ANO3: variants seen among roughly 807,000 people sequenced by gnomAD.
ANO3 encodes anoctamin 3.
In ANO3, 99 loss-of-function variants were observed where a neutral mutation model predicts 144.8. That is an observed-to-expected ratio of 0.68 (90% CI 0.58 to 0.81). The LOEUF is 0.81. ANO3 is among the 30% of genes least tolerant of loss of function. The probability of loss-of-function intolerance (pLI) is 0.00; values close to 1 mark genes in which losing one functional copy is unlikely to be tolerated. For synonymous variants in ANO3, 414 were observed against 392.6 expected (o/e 1.05, Z -0.64); for missense variants, 905 against 1,202.2 (o/e 0.75, Z 3.66).
chr11:26,629,982 T>C (rs895432980), intron 18 of ANO3, among the ~76,000 whole-genome samples: 1 of 152,174 alleles, frequency 6.6e-6, no homozygotes, highest in Non-Finnish European at 1.5e-5. Context: ...TAAGTAAAAA[T>C]AGTTTGTAGA....
At chr11:26,241,883 T>C (rs754928820) in intron 1 of ANO3, among the ~76,000 whole-genome samples, 3 of 152,170 alleles carry the variant, frequency 2.0e-5, no homozygotes, top group Non-Finnish European at 4.4e-5. Flanking sequence ...AACTTTTAAT[T>C]ACTCTGCTAA....
chr11:26,257,598 T>C (rs11029441), intron 1 of ANO3, among the ~76,000 whole-genome samples: 21,654 of 152,084 alleles, frequency 0.14, 2,203 homozygotes, highest in African/African-American at 0.3. Context: ...TCAATAAAAG[T>C]ACTTTAAAAT....
intron 1 of ANO3, among the ~76,000 whole-genome samples, chr11:26,363,116 T>A (rs919800914): frequency 3.3e-5 from 5 of 152,176 alleles, no homozygotes; most frequent in Non-Finnish European, 7.3e-5. Context: ...TTGTGTCTAT[T>A]TTACAGATTT....
At chr11:26,195,183 C>T (rs1208592004) in intron 1 of ANO3, among the ~76,000 whole-genome samples, 1 of 152,094 alleles carries the variant, frequency 6.6e-6, no homozygotes, top group East Asian at 1.9e-4. Context: ...GGTGTTGATG[C>T]CTGATGATGA....
chr11:26,225,858 T>C (rs887447901), intron 1 of ANO3, among the ~76,000 whole-genome samples: 1 of 152,186 alleles, frequency 6.6e-6, no homozygotes, highest in Non-Finnish European at 1.5e-5. Flanking sequence ...ACTTTCGTGT[T>C]ATGGTTCTGA....
chr11:26,292,111 T>C (rs146499521), intron 1 of ANO3, among the ~76,000 whole-genome samples: 3,039 of 152,238 alleles, frequency 0.02, 88 homozygotes, highest in African/African-American at 0.066. Flanking sequence ...TTCATTTCTT[T>C]TTATTCTTTT....
intron 1 of ANO3, among the ~76,000 whole-genome samples, chr11:26,319,014 T>C (rs950920743): frequency 6.6e-6 from 1 of 152,054 alleles, no homozygotes; most frequent in Non-Finnish European, 1.5e-5. Context: ...TCTTACTCTG[T>C]TGCCCAGGCT....
intron 1 of ANO3, among the ~76,000 whole-genome samples, chr11:26,404,901 C>A (rs1180652597): frequency 6.7e-6 from 1 of 149,998 alleles, no homozygotes; most frequent in African/African-American, 2.5e-5. Flanking sequence ...TGCTAATAAC[C>A]AGTGGCTAAT....
intron 1 of ANO3, among the ~76,000 whole-genome samples, chr11:26,203,232 G>A (rs1851731894): frequency 6.6e-6 from 1 of 152,068 alleles, no homozygotes; most frequent in African/African-American, 2.4e-5. Context: ...GTTTATAAAA[G>A]TCACTTTGAA....
intron 5 of ANO3, among the ~76,000 whole-genome samples, chr11:26,511,800 C>A (rs957634226): frequency 1.4e-4 from 22 of 152,000 alleles, no homozygotes; most frequent in African/African-American, 5.3e-4. Context: ...ATATTAGAGT[C>A]ATGTGGTGAT....
At position 26,544,273 on chromosome 11, in the gene ANO3, T is replaced by TATATATATATATATAC; in HGVS notation, c.1154+2206_1154+2207insTATATATATATATACA. On this transcript the variant is annotated intron_variant, in intron 11 of 26. Coordinates refer to ENST00000256737, the MANE Select transcript of ANO3 (RefSeq NM_031418.4). Reference sequence around the variant, plus strand: ...ATACATATATATATATATATATATATACACACATACACACACACACACACA... The same window carrying TATATATATATATATAC: ...ATACATATATATATATATATATATATATATATATATATATACACACACATACACACACACACACACA... Among the ~76,000 whole-genome samples, 143 of 58,354 alleles carry TATATATATATATATAC rather than the reference T, an allele frequency of 2.5e-3. 5 individuals carry two copies. Among genetic ancestry groups the TATATATATATATATAC allele is most frequent in the Non-Finnish European group, 3.0e-3 (83 of 27,850 alleles). 38.3% of individuals were successfully genotyped at this position (58,354 alleles called of 152,430 possible).
chr11:26,414,970 T>A (rs1043277432), intron 1 of ANO3, among the ~76,000 whole-genome samples: 2 of 151,906 alleles, frequency 1.3e-5, no homozygotes, highest in African/African-American at 4.8e-5. Flanking sequence ...CTCACCTCTC[T>A]CCCTACCACC....
At chr11:26,620,598 G>A (rs1019537767) in intron 17 of ANO3, among the ~76,000 whole-genome samples, 3 of 151,884 alleles carry the variant, frequency 2.0e-5, no homozygotes, top group Non-Finnish European at 4.4e-5. Context: ...TATCATGCAC[G>A]GAGCACTCTA....
At chr11:26,641,853 T>C in intron 21 of ANO3, 43 bp from the exon 22 acceptor site, 6 of 1,585,268 alleles carry the variant, frequency 3.8e-6, no homozygotes, top group Non-Finnish European at 5.1e-6. Flanking sequence ...AACCAGATGC[T>C]TGAATCAGAG....
chr11:26,462,519 T>C (rs1014269784), intron 3 of ANO3, among the ~76,000 whole-genome samples: 1 of 151,852 alleles, frequency 6.6e-6, no homozygotes, highest in African/African-American at 2.4e-5. Flanking sequence ...TCCTGACAGT[T>C]GTTTCAATCC....
At chr11:26,242,960 T>C (rs1481763393) in intron 1 of ANO3, among the ~76,000 whole-genome samples, 1 of 152,202 alleles carries the variant, frequency 6.6e-6, no homozygotes, top group Admixed American at 6.5e-5. Context: ...TGATGTTTAT[T>C]GTATATCATC....
chr11:26,635,045 T>C lies in ANO3; in HGVS notation c.2018T>C (p.Leu673Pro). ...GGCCACCCAGGAAAATACAATAAAC[T>C]TTTTGACCGGTGGAGACTGGAGGAA... is the stretch of plus-strand genomic sequence containing the variant. ...FVGHPGKYNK[L>P]FDRWRLEECH... is the part of the protein sequence containing the mutation. The change falls in exon 20 of 27, where the codon CTT becomes CCT. Residue 673 changes from leucine to proline, a missense_variant. Leu to Pro is a moderately conservative substitution (Grantham distance 98). Transcript: ENST00000256737. The C allele has an allele frequency of 1.9e-6, 3 of 1,613,286 alleles. No homozygotes were observed. The highest frequency in any genetic ancestry group is 2.5e-6 in the Non-Finnish European group (3 of 1,179,430).
intron 1 of ANO3, among the ~76,000 whole-genome samples, chr11:26,214,584 C>T (rs1852000369): frequency 6.6e-6 from 1 of 151,916 alleles, no homozygotes; most frequent in African/African-American, 2.4e-5. Flanking sequence ...TTCTCCATCT[C>T]AATGTAGTAT....
intron 1 of ANO3, among the ~76,000 whole-genome samples, chr11:26,257,255 G>A (rs1853081053): frequency 2.6e-5 from 4 of 151,874 alleles, no homozygotes; most frequent in Non-Finnish European, 5.9e-5. Context: ...ACCTAATTTT[G>A]TTTTATACCA....
Sources: gnomAD v4.1 joint callset for allele counts (sites outside exome capture counted in the v4.1 genomes callset) on GRCh38, gnomAD v4.1.1 for gene constraint, MANE v1.5 for transcripts, NCBI Gene and HGNC (gene_info 2026-07-23, HGNC 2026-07-21) for gene names.